The following THSD7B variants were observed in gnomAD, a reference collection of about 807,000 sequenced individuals.
THSD7B encodes thrombospondin type-1 domain-containing protein 7B.
A neutral mutation model predicts 213.6 loss-of-function variants in THSD7B; 138 were observed. The ratio of observed to expected loss-of-function variants is 0.65; its 90% CI spans 0.56 to 0.74. The LOEUF is 0.74. Among genes scored for constraint, THSD7B ranks in the 30% least tolerant of loss-of-function variants. THSD7B has a pLI of 0.00. For synonymous variants in THSD7B, 742 were observed against 687.0 expected, an observed-to-expected ratio of 1.08 and a Z score of -1.25; for missense variants, 1,931 against 1,991.5, an observed-to-expected ratio of 0.97 and a Z score of 0.58.
At chr2:137,331,838 GC>G (rs1333895399) in intron 12 of THSD7B, among the ~76,000 whole-genome samples, 1 of 152,180 alleles carries the variant, frequency 6.6e-6, no homozygotes, top group African/African-American at 2.4e-5. Flanking sequence ...ACCCTCCGCA[GC>G]CGCTGGCCCG....
intron 5 of THSD7B, among the ~76,000 whole-genome samples, chr2:137,156,428 C>T (rs945939969): frequency 6.6e-6 from 1 of 152,174 alleles, no homozygotes; most frequent in Non-Finnish European, 1.5e-5. Flanking sequence ...TGGTCTCTCT[C>T]CTACCCCTGG....
chr2:137,315,941 A>C (rs1684088332), intron 12 of THSD7B, among the ~76,000 whole-genome samples: 1 of 151,560 alleles, frequency 6.6e-6, no homozygotes, highest in African/African-American at 2.4e-5. Context: ...TATTTTTTTC[A>C]TTGTACAGTT....
intron 15 of THSD7B, among the ~76,000 whole-genome samples, chr2:137,518,279 A>G (rs563603807): frequency 6.6e-6 from 1 of 152,244 alleles, no homozygotes; most frequent in East Asian, 1.9e-4. Context: ...CACCACCCGA[A>G]AGTGGACAGC....
rs72488766 is a variant in THSD7B, at chr2:137,562,594, T to TTGTGTGTGTGTG, written c.3139-601_3139-590dup. Among the ~76,000 whole-genome samples, 635 of 145,070 alleles carry TTGTGTGTGTGTG rather than the reference T, an allele frequency of 4.4e-3. 4 individuals carry two copies. The highest frequency in any genetic ancestry group is 0.012 in the African/African-American group (485 of 39,170). On this transcript the variant is annotated intron_variant, in intron 15 of 27. Transcript: ENST00000409968. ...AGTAACAGTTTAGCAGTATTTCTCT[T>TTGTGTGTGTGTG]TGTGTGTGTGTGTGTGTGTGTGTGT...
intron 1 of THSD7B, among the ~76,000 whole-genome samples, chr2:136,849,897 A>G (rs1683070596): frequency 6.6e-6 from 1 of 152,106 alleles, no homozygotes; most frequent in Admixed American, 6.6e-5. Flanking sequence ...TTTGCTTCAA[A>G]AGGTTTTTTA....
chr2:136,913,961 G>A (rs1684309126), intron 2 of THSD7B, among the ~76,000 whole-genome samples: 1 of 152,180 alleles, frequency 6.6e-6, no homozygotes. Context: ...CCCATGAATT[G>A]TAGATCCACT....
rs147909697 is a variant in THSD7B at position 137,677,584 on chromosome 2, C to T, written c.*979C>T. ...TGCTTTTATAAGGTTTCAATAATAT[C>T]TAAAACAACACATTAAAAAGCTGAG... On this transcript the variant is annotated 3_prime_UTR_variant, in exon 28 of 28. Transcript: ENST00000409968. 2 of 152,636 alleles carry T rather than the reference C, an allele frequency of 1.3e-5. No homozygotes were observed. Among genetic ancestry groups the T allele is most frequent in the Non-Finnish European group, 2.9e-5 (2 of 67,996 alleles). The allele number at this position is 152,636 out of a possible 1,614,324, so 9.5% of individuals were successfully genotyped here.
At chr2:137,250,273 CTG>C (rs1008533439) in intron 10 of THSD7B, among the ~76,000 whole-genome samples, 4 of 152,146 alleles carry the variant, frequency 2.6e-5, no homozygotes, top group South Asian at 2.1e-4. Context: ...CAAATAATAA[CTG>C]TATATAAATA....
intron 6 of THSD7B, among the ~76,000 whole-genome samples, chr2:137,162,232 T>A (rs1041742360): frequency 1.9e-4 from 29 of 152,132 alleles, no homozygotes; most frequent in African/African-American, 6.0e-4. Flanking sequence ...CCTTTACATT[T>A]CTCTCTCTCT....
At chr2:137,229,659 C>T (rs183304964) in intron 7 of THSD7B, among the ~76,000 whole-genome samples, 6 of 152,132 alleles carry the variant, frequency 3.9e-5, no homozygotes, top group Non-Finnish European at 8.8e-5. Flanking sequence ...AGACACAGCA[C>T]GGTTAATGGG....
chr2:136,784,679 T>G (rs532535410), intron 1 of THSD7B, among the ~76,000 whole-genome samples: 1 of 152,224 alleles, frequency 6.6e-6, no homozygotes, highest in Non-Finnish European at 1.5e-5. Context: ...AGGTGTTATA[T>G]ACAAGATACT....
At chr2:136,953,031 T>C (rs1685066947) in intron 2 of THSD7B, among the ~76,000 whole-genome samples, 1 of 152,272 alleles carries the variant, frequency 6.6e-6, no homozygotes, top group South Asian at 2.1e-4. Context: ...AAAATGAAGA[T>C]TAGGGTAAAA....
At chr2:136,812,979 C>G (rs543485012) in intron 1 of THSD7B, among the ~76,000 whole-genome samples, 9 of 152,226 alleles carry the variant, frequency 5.9e-5, no homozygotes, top group African/African-American at 2.2e-4. Context: ...TACAAATGAG[C>G]AATACCAGTT....
At chr2:137,037,003 T>C (rs1686788455) in intron 2 of THSD7B, among the ~76,000 whole-genome samples, 1 of 152,188 alleles carries the variant, frequency 6.6e-6, no homozygotes, top group South Asian at 2.1e-4. Context: ...TCATGAAACA[T>C]TGTTTCCTGA....
rs1170074892 is a variant in THSD7B at position 137,677,332 on chromosome 2, T to C, written c.*727T>C. 6.6e-6 allele frequency: 1 copy of C among 152,452 alleles called. No individual in the cohort carries two copies. Among genetic ancestry groups the C allele is most frequent in the Non-Finnish European group, 1.5e-5 (1 of 68,028 alleles). The allele number at this position is 152,452 out of a possible 1,614,324, so 9.4% of individuals were successfully genotyped here. The stretch of plus-strand genomic sequence containing the variant: ...GTACAAATGAAATATGTGGTTAAAT[T>C]GGAGAATGAGGTAGATTATTTGATT... On this transcript the variant is annotated 3_prime_UTR_variant, in exon 28 of 28. Coordinates refer to ENST00000409968, the MANE Select transcript of THSD7B (RefSeq NM_001316349.2).
intron 7 of THSD7B, among the ~76,000 whole-genome samples, chr2:137,176,500 C>G (rs1680359455): frequency 6.6e-6 from 1 of 152,152 alleles, no homozygotes; most frequent in African/African-American, 2.4e-5. Context: ...GGAGAATAAA[C>G]ATGGACATGC....
chr2:137,386,004 C>A (rs1373431551), intron 12 of THSD7B, among the ~76,000 whole-genome samples: 1 of 152,136 alleles, frequency 6.6e-6, no homozygotes, highest in African/African-American at 2.4e-5. Context: ...AGACACTGAA[C>A]GTGTAATTAT....
intron 2 of THSD7B, among the ~76,000 whole-genome samples, chr2:136,940,835 T>C (rs1368868711): frequency 6.7e-6 from 1 of 149,768 alleles, no homozygotes; most frequent in East Asian, 1.9e-4. Context: ...CTTTATCAAA[T>C]TGAGAAAATT....
At chr2:136,995,972 C>G (rs1450808624) in intron 2 of THSD7B, among the ~76,000 whole-genome samples, 2 of 152,168 alleles carry the variant, frequency 1.3e-5, no homozygotes, top group Non-Finnish European at 2.9e-5. Flanking sequence ...ACTACTTGAT[C>G]CACTTGATTT....
Sources: allele counts gnomAD v4.1 joint callset (sites outside exome capture counted in the v4.1 genomes callset), GRCh38; gene constraint gnomAD v4.1.1; transcripts MANE v1.5; gene names NCBI Gene and HGNC (gene_info 2026-07-23, HGNC 2026-07-21).